SIN3A: variants seen among roughly 807,000 people sequenced by gnomAD.
The protein encoded by SIN3A is SIN3 transcription regulator family member A.
SIN3A carries 14 observed loss-of-function variants against 146.1 expected under a neutral mutation model. That is an observed-to-expected ratio of 0.10 (90% confidence interval 0.06 to 0.15). SIN3A has a LOEUF of 0.15. Ranked by LOEUF, SIN3A falls within the 10% of genes least tolerant of loss-of-function variation. SIN3A has a pLI of 1.00. For synonymous variants in SIN3A, 572 were observed against 572.0 expected (o/e 1.00, Z 0.00); for missense variants, 1,028 against 1,576.0 (o/e 0.65, Z 5.89).
Position 75,396,339 on chromosome 15 carries a change from C to G in SIN3A, c.2012G>C (p.Arg671Thr). The change falls in exon 13 of 21, where the codon AGG (arginine) becomes ACG (threonine). Residue 671 changes from arginine to threonine, a missense_variant. Physicochemically the swap from Arg to Thr is moderately conservative, Grantham distance 71 (BLOSUM62 -1). Coordinates refer to ENST00000394947, the MANE Select transcript of SIN3A (RefSeq NM_001145358.2). ...SEVIHRKALQ[R>T]IYADKAADII... ...GTCAGCTGCTTTATCAGCATATATCCTCTGGAGTGCTTTTCTATGGATGAC... is the reference window on the plus strand; with the variant it reads ...GTCAGCTGCTTTATCAGCATATATCGTCTGGAGTGCTTTTCTATGGATGAC... 5.6e-6 allele frequency: 9 copies of G among 1,614,142 alleles called. No homozygotes were observed. Among genetic ancestry groups the G allele is most frequent in the Non-Finnish European group, 7.6e-6 (9 of 1,180,032 alleles).
At chr15:75,411,429 T>A (rs1456754754) in intron 6 of SIN3A, 63 bp downstream of exon 6, 2 of 1,491,658 alleles carry the variant, frequency 1.3e-6, no homozygotes, top group African/African-American at 2.8e-5. Flanking sequence ...TGGTTACTTG[T>A]TATTGGACTA....
chr15:75,417,938 A>T (rs765110018), intron 3 of SIN3A, among the ~76,000 whole-genome samples: 2 of 152,228 alleles, frequency 1.3e-5, no homozygotes, highest in African/African-American at 2.4e-5. Context: ...AAGGACACAC[A>T]TTCAGGGACC....
intron 3 of SIN3A, 98 bp from the exon 4 acceptor site, chr15:75,414,409 T>A (rs1354016209): frequency 2.0e-6 from 1 of 488,842 alleles, no homozygotes; most frequent in Non-Finnish European, 3.5e-6. Context: ...GTATGCTTAA[T>A]GCAGTAAATG....
intron 1 of SIN3A, among the ~76,000 whole-genome samples, chr15:75,432,409 G>A (rs565613558): frequency 8.5e-5 from 13 of 152,178 alleles, no homozygotes; most frequent in South Asian, 2.1e-4. Context: ...TTTATTGGCC[G>A]GATGCAGTGG....
Position 75,372,165 on chromosome 15 carries a change from G to C in SIN3A, c.3636C>G (p.Ala1212=). 1 of 1,613,878 alleles carries C rather than the reference G, an allele frequency of 6.2e-7. No individual in the cohort carries two copies. The stretch of plus-strand genomic sequence containing the variant: ...GCTCCTTGGTCCATTTATCTACCCA[G>C]GCCTGGAATCTCTGATGTAGACGCT... ...VSKRLHQRFQ[A]WVDKWTKEHV... Residue 1212 remains alanine, a synonymous_variant, in exon 21 of 21, where the codon GCC becomes GCG. Coordinates refer to ENST00000394947, the MANE Select transcript of SIN3A (RefSeq NM_001145358.2).
intron 1 of SIN3A, among the ~76,000 whole-genome samples, chr15:75,450,774 G>A (rs944214727): frequency 3.9e-5 from 6 of 152,224 alleles, no homozygotes; most frequent in Admixed American, 2.6e-4. Flanking sequence ...CGGAGACATA[G>A]GGCGGGGCAG....
chr15:75,411,643 A>G lies in SIN3A; in HGVS notation c.857T>C (p.Val286Ala), dbSNP rs769010528. ...TGGGGCCGTTCCCAACGAGATTGTC[A>G]CTGGTGTGTGAGGCTGGACCGGCGG... ...RSPPVQPHTPVTISLGTAPSL... is the reference protein window; with the variant it reads ...RSPPVQPHTPATISLGTAPSL... The change falls in exon 6 of 21, where the codon GTG becomes GCG. Residue 286 changes from valine (V) to alanine (A), a missense_variant. Around this residue, in one of 9 missense-constraint regions of SIN3A, gnomAD observed 112 missense variants for 135.7 expected, o/e 0.83. Transcript: ENST00000394947. 1 of 1,614,142 alleles carries G rather than the reference A, an allele frequency of 6.2e-7. No homozygotes were observed. Among genetic ancestry groups the G allele is most frequent in the Admixed American group, 1.7e-5 (1 of 60,008 alleles).
chr15:75,440,138 G>A (rs976763588), intron 1 of SIN3A, among the ~76,000 whole-genome samples: 7 of 151,554 alleles, frequency 4.6e-5, no homozygotes, highest in Admixed American at 2.6e-4. Context: ...GCAACAGAGC[G>A]AGACTCCCTC....
chr15:75,399,777 A>G (rs566458149), intron 12 of SIN3A, among the ~76,000 whole-genome samples: 3 of 152,364 alleles, frequency 2.0e-5, no homozygotes, highest in East Asian at 1.9e-4. Flanking sequence ...TGCAAAATCA[A>G]AAGAACTATT....
At chr15:75,434,841 G>A (rs140251449) in intron 1 of SIN3A, among the ~76,000 whole-genome samples, 196 of 143,982 alleles carry the variant, frequency 1.4e-3, no homozygotes, top group African/African-American at 4.4e-3. Context: ...CCAGCTACTC[G>A]AGAGGCTGAG....
At chr15:75,451,893 T>G (rs2074418162), upstream of SIN3A, 2 of 151,126 alleles carry the variant, frequency 1.3e-5, no homozygotes, top group Admixed American at 6.6e-5. Flanking sequence ...GCGGGGAGCT[T>G]CCCTAACTCA....
chr15:75,432,970 A>G (rs924727649), intron 1 of SIN3A, among the ~76,000 whole-genome samples: 1 of 152,142 alleles, frequency 6.6e-6, no homozygotes, highest in Non-Finnish European at 1.5e-5. Flanking sequence ...TGAACCTGGG[A>G]GGCGGAGGTT....
intron 8 of SIN3A, among the ~76,000 whole-genome samples, chr15:75,408,744 G>T (rs999579737): frequency 9.2e-5 from 14 of 152,168 alleles, no homozygotes; most frequent in African/African-American, 3.1e-4. Context: ...ATACACATAA[G>T]ATCTGGTAAC....
chr15:75,429,092 T>C (rs1014737208), intron 2 of SIN3A, among the ~76,000 whole-genome samples: 4 of 152,202 alleles, frequency 2.6e-5, no homozygotes, highest in Non-Finnish European at 4.4e-5. Flanking sequence ...TTCTGGACAA[T>C]AGGCTATTTG....
At chr15:75,426,350 CTG>C in intron 2 of SIN3A, among the ~76,000 whole-genome samples, 1 of 152,316 alleles carries the variant, frequency 6.6e-6, no homozygotes, top group Middle Eastern at 3.4e-3. Context: ...CCTACTTCAG[CTG>C]CATTTCCTCT....
At chr15:75,451,892 T>G (rs1282189153), upstream of SIN3A, 2 of 150,674 alleles carry the variant, frequency 1.3e-5, no homozygotes, top group African/African-American at 2.4e-5. Context: ...GGCGGGGAGC[T>G]TCCCTAACTC....
chr15:75,415,898 G>A (rs935375548), intron 3 of SIN3A: 13 of 260,280 alleles, frequency 5.0e-5, no homozygotes, highest in Non-Finnish European at 9.8e-5. Flanking sequence ...GGAGAGAGAG[G>A]AGGTACCCAA....
intron 19 of SIN3A, among the ~76,000 whole-genome samples, chr15:75,377,123 C>T (rs532748614): frequency 1.2e-4 from 19 of 152,152 alleles, no homozygotes; most frequent in East Asian, 3.9e-4. Flanking sequence ...TTTGCAATAT[C>T]GAACAAATTG....
At chr15:75,382,808 T>C (rs910514890) in intron 17 of SIN3A, among the ~76,000 whole-genome samples, 1 of 151,780 alleles carries the variant, frequency 6.6e-6, no homozygotes, top group Non-Finnish European at 1.5e-5. Flanking sequence ...TTAGACCGGG[T>C]GCAGTGGCTC....
Sources: gnomAD v4.1 joint callset for allele counts (sites outside exome capture counted in the v4.1 genomes callset) on GRCh38, gnomAD v4.1.1 for gene constraint, gnomAD v4.1.1 regional missense constraint, MANE v1.5 for transcripts, NCBI Gene and HGNC (gene_info 2026-07-23, HGNC 2026-07-21) for gene names.